The following EP300 variants were observed in gnomAD, a reference collection of about 807,000 sequenced individuals.
EP300 encodes the protein histone acetyltransferase p300.
Under a neutral mutation model 264.0 loss-of-function variants are expected in EP300, and 31 were observed. That is an observed-to-expected ratio of 0.12 (90% confidence interval 0.09 to 0.16). EP300 has a LOEUF of 0.16. EP300 is among the 10% of genes least tolerant of loss of function. The pLI is 1.00. For missense variants in EP300, 2,766 were observed against 3,052.9 expected, an observed-to-expected ratio of 0.91 and a Z score of 2.21; for synonymous variants, 1,340 against 1,045.4, an observed-to-expected ratio of 1.28 and a Z score of -5.44.
chr22:41,127,683 A>G lies in EP300; in HGVS notation c.1103A>G (p.His368Arg). ...GAAGTGAGGCAGTGCAACCTTCCCC[A>G]CTGTCGCACAATGAAGAATGTCCTA... The part of the protein sequence containing the change: ...NGEVRQCNLP[H>R]CRTMKNVLNH... Residue 368 changes from histidine to arginine, a missense_variant, in exon 4 of 31, where the codon CAC becomes CGC. By Grantham distance (29) the His-to-Arg change is conservative. Coordinates refer to ENST00000263253, the MANE Select transcript of EP300 (RefSeq NM_001429.4). 6.2e-7 allele frequency: 1 copy of G among 1,614,214 alleles called. No homozygotes were observed.
rs1234061888 is a variant in EP300 at position 41,178,929 on chromosome 22, C to T, written c.7218C>T (p.Leu2406=). The T allele has an allele frequency of 2.5e-6, 4 of 1,614,072 alleles. No individual in the cohort carries two copies. Among genetic ancestry groups the T allele is most frequent in the South Asian group, 1.1e-5 (1 of 91,086 alleles). Residue 2406 remains leucine (L), a synonymous_variant, in exon 31 of 31, where the codon CTC becomes CTT. Coordinates refer to ENST00000263253, the MANE Select transcript of EP300 (RefSeq NM_001429.4). ...ATAACTCAGACTTGAATTCAAACCT[C>T]TCACAGAGTACACTAGACATACACT... ...STDNSDLNSN[L]SQSTLDIH
Position 41,127,477 on chromosome 22 carries a change from T to C in EP300, c.907-10T>C, listed in dbSNP as rs772628747. The C allele has an allele frequency of 1.7e-5, 27 of 1,613,880 alleles. No individual in the cohort carries two copies. The Admixed American group carries it at 3.0e-4, about 18-fold the overall frequency. On this transcript the variant is annotated splice_polypyrimidine_tract_variant and intron_variant, in intron 3 of 30. Transcript: ENST00000263253. The stretch of plus-strand genomic sequence containing the variant: ...ACTCCTACCATTAAATATATTGTTA[T>C]ATCTCTCAGGGTCAACAGCCAGCCC...
chr22:41,166,034 C>T (rs1249227591), intron 22 of EP300, among the ~76,000 whole-genome samples: 3 of 152,190 alleles, frequency 2.0e-5, no homozygotes, highest in African/African-American at 7.2e-5. Context: ...ATCCACCCAC[C>T]TCGACCTCCC....
At chr22:41,137,604 C>G in intron 7 of EP300, 49 bp from the exon 8 acceptor site, 1 of 1,612,840 alleles carries the variant, frequency 6.2e-7, no homozygotes, top group East Asian at 2.2e-5. Flanking sequence ...TAAATGAGGT[C>G]TTCTCCTACC....
rs1466110187 is a variant in EP300 at position 41,157,238 on chromosome 22, T to C, written c.3331T>C (p.Tyr1111His). Residue 1111 changes from tyrosine to histidine, a missense_variant, in exon 18 of 31, where the codon TAT becomes CAT. Transcript: ENST00000263253. Reference protein sequence around the residue: ...TIKRKLDTGQYQEPWQYVDDI... With the variant: ...TIKRKLDTGQHQEPWQYVDDI... ...TAAGAGGAAGTTAGACACTGGACAG[T>C]ATCAGGAGCCCTGGCAGTATGTCGA... 6.2e-7 allele frequency: 1 copy of C among 1,614,222 alleles called. No homozygotes were observed.
At chr22:41,111,813 A>G (rs1203922248) in intron 1 of EP300, among the ~76,000 whole-genome samples, 1 of 150,072 alleles carries the variant, frequency 6.7e-6, no homozygotes, top group African/African-American at 2.5e-5. Flanking sequence ...TGCTGGGATT[A>G]CAGGTGAGAA....
intron 6 of EP300, 67 bp from the exon 7 acceptor site, chr22:41,135,746 T>G (rs1226546307): frequency 8.3e-7 from 1 of 1,209,120 alleles, no homozygotes; most frequent in African/African-American, 1.5e-5. Context: ...TTTCTTAACT[T>G]TATAGTATTT....
chr22:41,147,808 C>T (rs2145733899), intron 11 of EP300, 29 bp from the exon 12 acceptor site: 2 of 1,393,736 alleles, frequency 1.4e-6, no homozygotes, highest in Non-Finnish European at 1.0e-6. Flanking sequence ...CAAAGGCATT[C>T]AGATCTAACA....
chr22:41,103,077 G>A (rs1266112461), intron 1 of EP300, among the ~76,000 whole-genome samples: 2 of 152,106 alleles, frequency 1.3e-5, no homozygotes, highest in Admixed American at 6.6e-5. Context: ...CTCGAACTCT[G>A]GCCTCAAGTG....
At chr22:41,173,599 T>C (rs1289337369) in intron 28 of EP300, 24 bp from the exon 29 acceptor site, 1 of 1,613,562 alleles carries the variant, frequency 6.2e-7, no homozygotes, top group Non-Finnish European at 8.5e-7. Flanking sequence ...CTTATTTTCT[T>C]GTCTCCTTTG....
intron 10 of EP300, among the ~76,000 whole-genome samples, chr22:41,143,350 G>A (rs2058993412): frequency 6.6e-6 from 1 of 152,174 alleles, no homozygotes; most frequent in Non-Finnish European, 1.5e-5. Context: ...TACTCAGGAG[G>A]ATGAGGCAGG....
intron 1 of EP300, among the ~76,000 whole-genome samples, chr22:41,102,294 C>T (rs190818169): frequency 3.7e-4 from 57 of 152,020 alleles, no homozygotes; most frequent in African/African-American, 1.2e-3. Context: ...TTGGGAAGTA[C>T]GTATATAGTG....
Position 41,131,458 on chromosome 22 carries a change from C to T in EP300, c.1353C>T (p.Pro451=). 1 of 1,614,116 alleles carries T rather than the reference C, an allele frequency of 6.2e-7. No individual in the cohort carries two copies. The highest frequency in any genetic ancestry group is 8.5e-7 in the Non-Finnish European group (1 of 1,180,024). Residue 451 remains proline, a synonymous_variant, in exon 6 of 31, where the codon CCC becomes CCT. Coordinates refer to ENST00000263253, the MANE Select transcript of EP300 (RefSeq NM_001429.4). ...TAGGGGTGGGTCAACAGTCTGCCCC[C>T]AACCTAAGCACTGTTAGTCAGATTG... ...SSLGVGQQSA[P]NLSTVSQIDP...
At position 41,173,719 on chromosome 22, in the gene EP300, G is replaced by A. The variant is rs952188763; in HGVS notation, c.4714G>A (p.Gly1572Arg). The A allele has an allele frequency of 1.9e-6, 3 of 1,614,008 alleles. No homozygotes were observed. Among genetic ancestry groups the A allele is most frequent in the Non-Finnish European group, 2.5e-6 (3 of 1,180,030 alleles). Residue 1572 changes from glycine to arginine, a missense_variant, in exon 29 of 31, where the codon GGG becomes AGG. By Grantham distance (125) the Gly-to-Arg change is moderately radical. Coordinates refer to ENST00000263253, the MANE Select transcript of EP300 (RefSeq NM_001429.4). ...GAGTAGGGGCAACAAGAAGAAACCC[G>A]GGATGCCCAATGTATCTAACGACCT... ...SLSRGNKKKP[G>R]MPNVSNDLSQ... is the part of the protein sequence containing the mutation.
chr22:41,171,186 C>T (rs905695651), intron 27 of EP300, among the ~76,000 whole-genome samples: 3 of 151,442 alleles, frequency 2.0e-5, no homozygotes, highest in Admixed American at 6.6e-5. Flanking sequence ...GTTGGGGTAT[C>T]GCCATGCTGC....
intron 1 of EP300, among the ~76,000 whole-genome samples, chr22:41,116,198 A>G (rs2058820698): frequency 6.6e-6 from 1 of 152,036 alleles, no homozygotes; most frequent in African/African-American, 2.4e-5. Flanking sequence ...TGCTAATTCT[A>G]TAACATTATT....
intron 1 of EP300, among the ~76,000 whole-genome samples, chr22:41,095,771 T>A (rs902686379): frequency 1.9e-4 from 29 of 152,094 alleles, no homozygotes; most frequent in Non-Finnish European, 2.4e-4. Context: ...AAAACTTTTT[T>A]AAAAAAAGTG....
At chr22:41,120,976 CAG>C (rs1296098331) in intron 2 of EP300, among the ~76,000 whole-genome samples, 3 of 152,142 alleles carry the variant, frequency 2.0e-5, no homozygotes, top group Non-Finnish European at 2.9e-5. Flanking sequence ...AGATTACAGA[CAG>C]GGGCCACTAA....
intron 1 of EP300, among the ~76,000 whole-genome samples, chr22:41,094,834 T>C (rs932676070): frequency 1.3e-5 from 2 of 152,216 alleles, no homozygotes; most frequent in Non-Finnish European, 2.9e-5. Flanking sequence ...CTTTGAGTAG[T>C]CCTGATTTGA....
Sources: allele counts gnomAD v4.1 joint callset (sites outside exome capture counted in the v4.1 genomes callset), GRCh38; gene constraint gnomAD v4.1.1; transcripts MANE v1.5; gene names NCBI Gene and HGNC (gene_info 2026-07-23, HGNC 2026-07-21).